TENM3: variants seen among roughly 807,000 people sequenced by gnomAD.
TENM3 encodes teneurin transmembrane protein 3, also known as teneurin-3.
A neutral mutation model predicts 255.1 loss-of-function variants in TENM3; 63 were observed. The ratio of observed to expected loss-of-function variants is 0.25; its 90% CI spans 0.20 to 0.30. TENM3 has a LOEUF of 0.30. Among genes scored for constraint, TENM3 ranks in the 10% least tolerant of loss-of-function variants. The pLI, the probability that TENM3 is intolerant of heterozygous loss-of-function variation, is 1.00. For synonymous variants in TENM3, 1,306 were observed against 1,322.3 expected (o/e 0.99, Z 0.27); for missense variants, 2,929 against 3,461.1 (o/e 0.85, Z 3.86).
the TENM3 span, among the ~76,000 whole-genome samples, chr4:181,644,120 A>G: frequency 6.6e-5 from 10 of 151,752 alleles, no homozygotes; most frequent in East Asian, 1.9e-3. Context: ...GGAATTCTGC[A>G]TGTGAACAAA....
At chr4:181,668,328 G>A in the TENM3 span, among the ~76,000 whole-genome samples, 4 of 152,098 alleles carry the variant, frequency 2.6e-5, no homozygotes, top group African/African-American at 9.7e-5. Context: ...TCCTCTGCAT[G>A]CTCCAGTTTT....
chr4:181,849,589 T>C, the TENM3 span, among the ~76,000 whole-genome samples: 1 of 152,144 alleles, frequency 6.6e-6, no homozygotes, highest in South Asian at 2.1e-4. Context: ...TGTTTAAAAA[T>C]TCAAAAATGT....
rs763514251 is a variant in TENM3, at chr4:182,793,472, G to C, written c.6800G>C (p.Ser2267Thr). The change falls in exon 26 of 28, where the codon AGT becomes ACT. Residue 2267 changes from serine (S) to threonine (T), a missense_variant. By Grantham distance (58) the Ser-to-Thr change is moderately conservative. Transcript: ENST00000511685. The surrounding 1 kb of genome is among the most constrained non-coding windows in gnomAD (Gnocchi z 5.7). Reference sequence around the variant, plus strand: ...ATTACTCATGTCTACAACCATTCGAGTTCAGAAATTACCTCCCTGTATTAT... The same window carrying C: ...ATTACTCATGTCTACAACCATTCGACTTCAGAAATTACCTCCCTGTATTAT... ...TRITHVYNHS[S>T]SEITSLYYDL... 2 of 1,613,934 alleles carry C rather than the reference G, an allele frequency of 1.2e-6. No homozygotes were observed. The highest frequency in any genetic ancestry group is 2.2e-5 in the South Asian group (2 of 91,080).
intron 3 of TENM3, among the ~76,000 whole-genome samples, chr4:182,487,516 C>G (rs1260431015): frequency 6.6e-6 from 1 of 151,968 alleles, no homozygotes; most frequent in Admixed American, 6.6e-5. Flanking sequence ...TTATTTGGAA[C>G]CTTGGTGTAT....
chr4:182,279,254 G>A (rs1760211260), intron 1 of TENM3, among the ~76,000 whole-genome samples: 1 of 152,032 alleles, frequency 6.6e-6, no homozygotes, highest in African/African-American at 2.4e-5. Context: ...TGTTGAATAT[G>A]ACAGATTATA....
Position 182,755,384 on chromosome 4 carries a change from T to G in TENM3, c.4892+125T>G, listed in dbSNP as rs141692915. ...TTTGAGAGTCTAGAGCTTCTGTAAT[T>G]TTTGGATCCCGGCTGGGCACGGTGG... On this transcript the variant is annotated intron_variant, in intron 22 of 27. Coordinates refer to ENST00000511685, the MANE Select transcript of TENM3 (RefSeq NM_001080477.4). The G allele has an allele frequency of 1.0e-3, 1,035 of 1,019,238 alleles. 6 individuals carry two copies. The African/African-American group carries it at 0.014, about 14-fold the overall frequency. 63.1% of individuals were successfully genotyped at this position (1,019,238 alleles called of 1,614,324 possible).
At chr4:182,149,934 T>C (rs368576173) in intron 1 of TENM3, among the ~76,000 whole-genome samples, 11 of 152,104 alleles carry the variant, frequency 7.2e-5, no homozygotes, top group African/African-American at 1.9e-4. Context: ...GGGGAAGACA[T>C]AGTGCCTGTA....
chr4:182,218,961 A>G (rs904097577), intron 1 of TENM3, among the ~76,000 whole-genome samples: 2 of 152,230 alleles, frequency 1.3e-5, no homozygotes, highest in African/African-American at 4.8e-5. Context: ...GCAGAGGTTC[A>G]CGCCTGTAAT....
At chr4:181,690,490 T>A in the TENM3 span, among the ~76,000 whole-genome samples, 1 of 152,316 alleles carries the variant, frequency 6.6e-6, no homozygotes, top group African/African-American at 2.4e-5. Flanking sequence ...AATGGACATA[T>A]AAGCCTTTAA....
At chr4:182,188,875 C>T (rs897150061) in intron 1 of TENM3, among the ~76,000 whole-genome samples, 1 of 152,078 alleles carries the variant, frequency 6.6e-6, no homozygotes, top group African/African-American at 2.4e-5. Context: ...TTGCTTGTCA[C>T]GTGCCTCTCT....
intron 1 of TENM3, among the ~76,000 whole-genome samples, chr4:182,181,891 G>GTT (rs56082218): frequency 4.4e-3 from 639 of 144,270 alleles, no homozygotes; most frequent in Non-Finnish European, 6.2e-3. Context: ...CTAATGTCCT[G>GTT]TTTTTTTTTT....
At chr4:182,394,680 G>C (rs970766385) in intron 3 of TENM3, among the ~76,000 whole-genome samples, 12 of 152,244 alleles carry the variant, frequency 7.9e-5, no homozygotes, top group African/African-American at 2.9e-4. Flanking sequence ...TGAAAATGTA[G>C]TCTAGAGAAT....
the TENM3 span, among the ~76,000 whole-genome samples, chr4:181,901,847 T>C: frequency 1.3e-5 from 2 of 152,198 alleles, no homozygotes; most frequent in East Asian, 1.9e-4. Flanking sequence ...TAAAGTTTTA[T>C]GTTTTTATCA....
At chr4:182,289,998 C>T (rs1030268380) in intron 1 of TENM3, among the ~76,000 whole-genome samples, 10 of 152,182 alleles carry the variant, frequency 6.6e-5, no homozygotes, top group Admixed American at 2.6e-4. Context: ...AAGTCACTCC[C>T]GCTCGTGCCC....
At chr4:182,380,271 C>CA (rs1244495791) in intron 3 of TENM3, among the ~76,000 whole-genome samples, 2 of 90,808 alleles carry the variant, frequency 2.2e-5, no homozygotes, top group East Asian at 2.4e-4. Context: ...AACTCCATCT[C>CA]AAAAAACAAA....
chr4:182,017,761 T>A, the TENM3 span, among the ~76,000 whole-genome samples: 1 of 152,230 alleles, frequency 6.6e-6, no homozygotes, highest in Non-Finnish European at 1.5e-5. Context: ...TTAGTATTGA[T>A]CGGCATAACA....
chr4:181,999,392 G>C, the TENM3 span, among the ~76,000 whole-genome samples: 1 of 152,130 alleles, frequency 6.6e-6, no homozygotes, highest in Non-Finnish European at 1.5e-5. Flanking sequence ...GGTATTGCCT[G>C]TCCCGACACA....
At chr4:182,628,586 G>A (rs935367998) in intron 4 of TENM3, 65 bp from the exon 5 acceptor site, 12 of 1,046,694 alleles carry the variant, frequency 1.1e-5, no homozygotes, top group South Asian at 2.8e-5. Flanking sequence ...TAAATGCATC[G>A]CTGTCTCTTG....
chr4:182,751,874 C>A lies in TENM3; in HGVS notation c.3704C>A (p.Thr1235Asn), dbSNP rs1287941694. Residue 1235 changes from threonine (T) to asparagine (N), a missense_variant, in exon 20 of 28, where the codon ACC becomes AAC. By Grantham distance (65) the Thr-to-Asn change is moderately conservative. This residue lies in a region of TENM3 where 1,608 missense variants were observed against 1,884.4 expected (regional missense o/e 0.85). Transcript: ENST00000511685. ...GATCTGTACGTTTCTGACACAAACA[C>A]CCGCAGAATTTATCGCCCAAAGTCA... ...TGDLYVSDTN[T>N]RRIYRPKSLT... The A allele has an allele frequency of 6.2e-7, 1 of 1,613,832 alleles. No homozygotes were observed.
Sources: allele counts gnomAD v4.1 joint callset (sites outside exome capture counted in the v4.1 genomes callset), GRCh38; gene constraint gnomAD v4.1.1; regional missense constraint gnomAD v4.1.1; non-coding constraint Gnocchi (gnomAD v3.1); transcripts MANE v1.5; gene names NCBI Gene and HGNC (gene_info 2026-07-23, HGNC 2026-07-21).